The following TRAPPC12 variants were observed in gnomAD, a reference collection of about 807,000 sequenced individuals.
TRAPPC12 encodes the protein trafficking protein particle complex subunit 12, also known as TPR repeat protein 15.
Under a neutral mutation model 69.2 loss-of-function variants are expected in TRAPPC12, and 61 were observed. The ratio of observed to expected loss-of-function variants is 0.88; its 90% CI spans 0.72 to 1.09. The LOEUF (loss-of-function observed/expected upper bound fraction) is 1.09. Among genes scored for constraint, TRAPPC12 ranks in the 50% least tolerant of loss-of-function variants. TRAPPC12 has a pLI of 0.00. For synonymous variants in TRAPPC12, 469 were observed against 438.9 expected (o/e 1.07, Z -0.86); for missense variants, 1,101 against 1,016.4 (o/e 1.08, Z -1.13).
At chr2:3,460,362 C>G (rs751231278) in intron 8 of TRAPPC12, 26 bp downstream of exon 8, 52 of 864,418 alleles carry the variant, frequency 6.0e-5, no homozygotes, top group Non-Finnish European at 9.7e-5. Flanking sequence ...AGCAGGGCTG[C>G]CATGTGATCT....
intron 6 of TRAPPC12, among the ~76,000 whole-genome samples, chr2:3,449,918 C>T (rs563442195): frequency 1.6e-4 from 25 of 152,216 alleles, no homozygotes; most frequent in African/African-American, 3.6e-4. Flanking sequence ...GGCCATCCAT[C>T]GAGGCCACTT....
chr2:3,415,778 G>A (rs1313708604), intron 3 of TRAPPC12, among the ~76,000 whole-genome samples: 1 of 147,946 alleles, frequency 6.8e-6, no homozygotes, highest in Non-Finnish European at 1.5e-5. Context: ...GTACAGTGGT[G>A]CGATCTCAGC....
intron 5 of TRAPPC12, among the ~76,000 whole-genome samples, chr2:3,443,407 C>T (rs139981346): frequency 5.9e-5 from 9 of 152,362 alleles, no homozygotes; most frequent in African/African-American, 2.2e-4. Context: ...ACCTACCATT[C>T]GAGCTTGCTA....
chr2:3,462,443 A>AGGGTAT (rs138962661), intron 8 of TRAPPC12, among the ~76,000 whole-genome samples: 6,058 of 152,278 alleles, frequency 0.04, 414 homozygotes, highest in East Asian at 0.32. Flanking sequence ...GTGAGCATAC[A>AGGGTAT]GGGTATTGCA....
rs879285898 is a variant in TRAPPC12, at chr2:3,458,023, GGGCCTCTGCGTCGGGGAGAGA to G, written c.1603+348_1603+368del. The G allele has an allele frequency of 3.1e-3, 3,549 of 1,152,094 alleles. 10 individuals carry two copies. Among genetic ancestry groups the G allele is most frequent in the Non-Finnish European group, 3.5e-3 (3,278 of 934,294 alleles). 71.4% of individuals were successfully genotyped at this position (1,152,094 alleles called of 1,614,324 possible). ...CCAGCCCAGCCGAAGGGGCCCAGAG[GGGCCTCTGCGTCGGGGAGAGA>G]GGCCTCTGCGTCGGGGACAGAGGCC... On this transcript the variant is annotated intron_variant, in intron 7 of 11. Transcript: ENST00000324266.
chr2:3,396,656 G>A (rs1428616358), intron 2 of TRAPPC12, among the ~76,000 whole-genome samples: 1 of 152,046 alleles, frequency 6.6e-6, no homozygotes, highest in Non-Finnish European at 1.5e-5. Flanking sequence ...TCTCTCTGTG[G>A]TTAAGTTTAG....
At chr2:3,382,752 C>T (rs1170191081) in intron 1 of TRAPPC12, among the ~76,000 whole-genome samples, 2 of 152,120 alleles carry the variant, frequency 1.3e-5, no homozygotes, top group Non-Finnish European at 2.9e-5. Flanking sequence ...TATTGAGTCC[C>T]CATCTCTACA....
chr2:3,477,946 A>C, intron 10 of TRAPPC12, 151 bp downstream of exon 10: 1 of 480,032 alleles, frequency 2.1e-6, no homozygotes. Flanking sequence ...CAAGGAGTAT[A>C]CAGGTGTTTT....
chr2:3,465,924 T>C (rs1665786817), intron 9 of TRAPPC12: 2 of 575,030 alleles, frequency 3.5e-6, no homozygotes, highest in Non-Finnish European at 6.2e-6. Flanking sequence ...CCACAGAAAG[T>C]GTCATCACAG....
intron 1 of TRAPPC12, among the ~76,000 whole-genome samples, chr2:3,384,509 G>GT (rs1452373110): frequency 6.6e-6 from 1 of 152,114 alleles, no homozygotes; most frequent in African/African-American, 2.4e-5. Flanking sequence ...TTGCTGACAG[G>GT]TTTTATCTTG....
chr2:3,445,605 CCT>C (rs1043777993), intron 6 of TRAPPC12, among the ~76,000 whole-genome samples: 2 of 152,308 alleles, frequency 1.3e-5, no homozygotes, highest in Admixed American at 1.3e-4. Context: ...TTATCACAAC[CCT>C]ATGAAGGAGA....
intron 6 of TRAPPC12, among the ~76,000 whole-genome samples, chr2:3,451,144 C>T (rs562170659): frequency 2.0e-5 from 3 of 152,320 alleles, no homozygotes; most frequent in African/African-American, 4.8e-5. Flanking sequence ...TCATTCAAGG[C>T]GTGTAATTTT....
chr2:3,462,216 T>C (rs1338469599), intron 8 of TRAPPC12, among the ~76,000 whole-genome samples: 1 of 152,222 alleles, frequency 6.6e-6, no homozygotes. Context: ...TGTGGCACTG[T>C]GGTAGTAACA....
intron 8 of TRAPPC12, chr2:3,462,860 C>T (rs544697408): frequency 2.8e-5 from 13 of 466,970 alleles, no homozygotes; most frequent in African/African-American, 6.0e-5. Context: ...CCCCACAGCT[C>T]GCCAGTATGC....
At chr2:3,448,306 A>G (rs906587416) in intron 6 of TRAPPC12, among the ~76,000 whole-genome samples, 6 of 152,140 alleles carry the variant, frequency 3.9e-5, no homozygotes, top group Non-Finnish European at 8.8e-5. Flanking sequence ...TTAGACCATC[A>G]GGATTGTGGT....
intron 8 of TRAPPC12, among the ~76,000 whole-genome samples, chr2:3,464,452 A>T (rs1295449767): frequency 6.6e-6 from 1 of 152,148 alleles, no homozygotes; most frequent in Non-Finnish European, 1.5e-5. Flanking sequence ...CAAGCCAGTA[A>T]CTCCAGTCCC....
chr2:3,403,979 A>T (rs1186418737), intron 3 of TRAPPC12, among the ~76,000 whole-genome samples: 1 of 152,118 alleles, frequency 6.6e-6, no homozygotes, highest in African/African-American at 2.4e-5. Context: ...TTTTTTCCTT[A>T]ATTGACTAGT....
chr2:3,460,416 A>G, intron 8 of TRAPPC12, 80 bp downstream of exon 8: 1 of 792,112 alleles, frequency 1.3e-6, no homozygotes, highest in Non-Finnish European at 2.2e-6. Context: ...CCGCTGGTAT[A>G]ATAGATGCTG....
intron 2 of TRAPPC12, among the ~76,000 whole-genome samples, 200 bp from the exon 3 acceptor site, chr2:3,401,577 C>T (rs908861314): frequency 2.4e-4 from 37 of 152,164 alleles, no homozygotes; most frequent in African/African-American, 8.4e-4. Flanking sequence ...GAATAAAGAG[C>T]AATTCTAAAA....
Sources: allele counts gnomAD v4.1 joint callset (sites outside exome capture counted in the v4.1 genomes callset), GRCh38; gene constraint gnomAD v4.1.1; transcripts MANE v1.5; gene names NCBI Gene and HGNC (gene_info 2026-07-23, HGNC 2026-07-21).